The following NKAIN3 variants were observed in gnomAD, a reference collection of about 807,000 sequenced individuals.
NKAIN3 encodes sodium/potassium transporting ATPase interacting 3.
Under a neutral mutation model 30.2 loss-of-function variants are expected in NKAIN3, and 25 were observed. The ratio of observed to expected loss-of-function variants is 0.83; its 90% CI spans 0.60 to 1.16. The LOEUF (loss-of-function observed/expected upper bound fraction) is 1.16. Among genes scored for constraint, NKAIN3 ranks in the 50% most tolerant of loss-of-function variants. NKAIN3 has a pLI of 0.00. For missense variants in NKAIN3, 225 were observed against 254.1 expected (o/e 0.89, Z 0.78); for synonymous variants, 91 against 89.6 (o/e 1.02, Z -0.09).
At chr8:62,294,530 ATG>A (rs1228544536) in intron 1 of NKAIN3, among the ~76,000 whole-genome samples, 1 of 152,044 alleles carries the variant, frequency 6.6e-6, no homozygotes, top group Non-Finnish European at 1.5e-5. Context: ...TTGCTAACAG[ATG>A]TGTTCTTTTT....
At chr8:62,632,628 G>A (rs576255624) in intron 3 of NKAIN3, among the ~76,000 whole-genome samples, 42 of 151,948 alleles carry the variant, frequency 2.8e-4, no homozygotes, top group African/African-American at 9.2e-4. Flanking sequence ...TCAGCCTCCC[G>A]AGTAGCTGGG....
At chr8:62,847,824 A>C (rs1430324540) in intron 4 of NKAIN3, among the ~76,000 whole-genome samples, 1 of 152,166 alleles carries the variant, frequency 6.6e-6, no homozygotes, top group Non-Finnish European at 1.5e-5. Context: ...ATTACATTTA[A>C]GTCTTTAATG....
intron 3 of NKAIN3, among the ~76,000 whole-genome samples, chr8:62,667,743 G>T (rs941745807): frequency 6.6e-6 from 1 of 151,844 alleles, no homozygotes; most frequent in African/African-American, 2.4e-5. Context: ...AAAATATCTG[G>T]GACTTTCCTT....
At chr8:62,835,653 C>T (rs1366590467) in intron 4 of NKAIN3, among the ~76,000 whole-genome samples, 1 of 151,998 alleles carries the variant, frequency 6.6e-6, no homozygotes, top group Non-Finnish European at 1.5e-5. Flanking sequence ...ACATCCTACC[C>T]TAGTCGCAAT....
intron 4 of NKAIN3, among the ~76,000 whole-genome samples, chr8:62,773,548 C>T (rs921993275): frequency 2.0e-5 from 3 of 152,066 alleles, no homozygotes; most frequent in African/African-American, 7.2e-5. Flanking sequence ...AATCTCATCT[C>T]GAATTGTAAT....
intron 1 of NKAIN3, among the ~76,000 whole-genome samples, chr8:62,348,089 C>A (rs2351941): frequency 6.6e-6 from 1 of 152,182 alleles, no homozygotes; most frequent in Admixed American, 6.6e-5. Flanking sequence ...GGCTGCCATC[C>A]ATCTGCAGCC....
chr8:62,360,487 T>C (rs751469267), intron 1 of NKAIN3, among the ~76,000 whole-genome samples: 3 of 152,194 alleles, frequency 2.0e-5, no homozygotes, highest in Non-Finnish European at 2.9e-5. Flanking sequence ...ATGTTTAGAA[T>C]GTGCCAGGCA....
At chr8:62,378,967 C>T (rs1370610165) in intron 1 of NKAIN3, among the ~76,000 whole-genome samples, 2 of 152,178 alleles carry the variant, frequency 1.3e-5, no homozygotes, top group Non-Finnish European at 2.9e-5. Context: ...CCCAGACACT[C>T]AATGCCAGCC....
chr8:62,252,569 CAA>C (rs1812143074), intron 1 of NKAIN3, among the ~76,000 whole-genome samples: 1 of 151,514 alleles, frequency 6.6e-6, no homozygotes, highest in African/African-American at 2.4e-5. Context: ...CTTCTGCCCT[CAA>C]GATGTTTGCC....
Position 62,914,598 on chromosome 8 carries a change from C to T in NKAIN3, c.472-3855C>T, listed in dbSNP as rs1264723746. On this transcript the variant is annotated intron_variant, in intron 4 of 6. Transcript: ENST00000623646. ...GATGTACAAACACCAGATTGATGATCGTAGTTTTCTCCCCAATATCAAAAG... is the reference window on the plus strand; with the variant it reads ...GATGTACAAACACCAGATTGATGATTGTAGTTTTCTCCCCAATATCAAAAG... 3.9e-5 allele frequency among the ~76,000 whole-genome samples: 6 copies of T among 152,088 alleles called. 1 individual carries two copies. Among genetic ancestry groups the T allele is most frequent in the African/African-American group, 1.4e-4 (6 of 41,410 alleles).
At chr8:62,403,877 T>C (rs1803968933) in intron 1 of NKAIN3, among the ~76,000 whole-genome samples, 1 of 152,196 alleles carries the variant, frequency 6.6e-6, no homozygotes, top group Non-Finnish European at 1.5e-5. Context: ...GCTTGCACCA[T>C]GTGCCTGGAA....
At chr8:62,680,262 C>G (rs1813609432) in intron 3 of NKAIN3, among the ~76,000 whole-genome samples, 1 of 152,156 alleles carries the variant, frequency 6.6e-6, no homozygotes. Flanking sequence ...TTCTCAAAGC[C>G]TCCAGGAGAA....
intron 3 of NKAIN3, among the ~76,000 whole-genome samples, chr8:62,656,280 T>C (rs941446460): frequency 6.6e-6 from 1 of 152,166 alleles, no homozygotes; most frequent in Non-Finnish European, 1.5e-5. Flanking sequence ...ACATAGATTT[T>C]TATGCTTCAG....
chr8:62,465,438 A>G (rs1806133386), intron 1 of NKAIN3, among the ~76,000 whole-genome samples: 1 of 152,252 alleles, frequency 6.6e-6, no homozygotes, highest in South Asian at 2.1e-4. Flanking sequence ...TTATATCTGC[A>G]ACAAAAAATC....
chr8:62,964,245 A>C (rs192849971), intron 6 of NKAIN3, among the ~76,000 whole-genome samples: 82 of 152,296 alleles, frequency 5.4e-4, no homozygotes, highest in Admixed American at 5.4e-3. Flanking sequence ...CAACATTCAA[A>C]GTTGAGTAGG....
intron 4 of NKAIN3, among the ~76,000 whole-genome samples, chr8:62,749,683 T>C (rs1472706632): frequency 4.3e-5 from 5 of 117,478 alleles, no homozygotes; most frequent in African/African-American, 1.7e-4. Context: ...TCTTTTCTTT[T>C]TTTTTTTTTT....
At chr8:62,707,894 A>AT (rs925647443) in intron 3 of NKAIN3, among the ~76,000 whole-genome samples, 4 of 152,092 alleles carry the variant, frequency 2.6e-5, no homozygotes, top group African/African-American at 9.7e-5. Flanking sequence ...GCTTGAGTTG[A>AT]TTTTTGTATA....
intron 4 of NKAIN3, among the ~76,000 whole-genome samples, chr8:62,822,105 G>C (rs2130732352): frequency 6.6e-6 from 1 of 152,186 alleles, no homozygotes; most frequent in Middle Eastern, 3.4e-3. Context: ...AAATTGGATT[G>C]ATCAAGGTGG....
At chr8:62,926,867 G>A (rs988744051) in intron 5 of NKAIN3, among the ~76,000 whole-genome samples, 1 of 152,032 alleles carries the variant, frequency 6.6e-6, no homozygotes, top group Non-Finnish European at 1.5e-5. Context: ...GGCTTTTGTG[G>A]CTGCTATGTC....
Sources: allele counts gnomAD v4.1 joint callset (sites outside exome capture counted in the v4.1 genomes callset), GRCh38; gene constraint gnomAD v4.1.1; transcripts MANE v1.5; gene names NCBI Gene and HGNC (gene_info 2026-07-23, HGNC 2026-07-21).